The following DEPDC5 variants were observed in gnomAD, a reference collection of about 807,000 sequenced individuals.
DEPDC5 encodes the protein GATOR1 complex protein DEPDC5.
Under a neutral mutation model 217.3 loss-of-function variants are expected in DEPDC5, and 73 were observed. That is an observed-to-expected ratio of 0.34 (90% CI 0.28 to 0.41). The LOEUF (loss-of-function observed/expected upper bound fraction) is 0.41. Ranked by LOEUF, DEPDC5 falls within the 10% of genes least tolerant of loss-of-function variation. The pLI is 1.00. For missense variants in DEPDC5, 1,675 were observed against 2,070.1 expected (o/e 0.81, Z 3.70); for synonymous variants, 733 against 756.7 (o/e 0.97, Z 0.51).
intron 14 of DEPDC5, among the ~76,000 whole-genome samples, chr22:31,799,595 G>GCCTCAGCCTCCTGAGTAGC (rs530235410): frequency 0.013 from 1,997 of 149,954 alleles, 17 homozygotes; most frequent in Middle Eastern, 0.028. Context: ...TGATTCTCCT[G>GCCTCAGCCTCCTGAGTAGC]CCTCAGCCTC....
At chr22:31,885,938 G>A (rs775206421) in intron 38 of DEPDC5, among the ~76,000 whole-genome samples, 1 of 151,464 alleles carries the variant, frequency 6.6e-6, no homozygotes, top group Admixed American at 6.6e-5. Flanking sequence ...GGAGGCTGAG[G>A]CAGGAGAATC....
chr22:31,788,929 C>T (rs766617313), intron 10 of DEPDC5, among the ~76,000 whole-genome samples: 6 of 152,064 alleles, frequency 3.9e-5, no homozygotes, highest in South Asian at 2.1e-4. Flanking sequence ...CTCGCTCTGT[C>T]GCCCAGACTG....
chr22:31,836,051 G>A (rs1161345434), intron 25 of DEPDC5, among the ~76,000 whole-genome samples: 1 of 152,228 alleles, frequency 6.6e-6, no homozygotes, highest in South Asian at 2.1e-4. Context: ...TTAAAAGATA[G>A]TCTTCACTTA....
At chr22:31,904,696 A>G (rs185426144) in intron 41 of DEPDC5, among the ~76,000 whole-genome samples, 1 of 152,326 alleles carries the variant, frequency 6.6e-6, no homozygotes, top group African/African-American at 2.4e-5. Flanking sequence ...GTGAGCCAAG[A>G]TTGTACCACT....
chr22:31,804,115 C>A, intron 15 of DEPDC5, 47 bp from the exon 16 acceptor site: 1 of 1,582,990 alleles, frequency 6.3e-7, no homozygotes, highest in Non-Finnish European at 8.7e-7. Flanking sequence ...GGACACTTGT[C>A]TCTGCCATTC....
chr22:31,822,130 T>C (rs1424187540), intron 23 of DEPDC5, among the ~76,000 whole-genome samples: 1 of 152,250 alleles, frequency 6.6e-6, no homozygotes, highest in Non-Finnish European at 1.5e-5. Context: ...GAACCAATGC[T>C]CTGAATGTGT....
rs907000096 is a variant in DEPDC5, at chr22:31,818,820, C to A, written c.1667-202C>A. 2.6e-5 allele frequency among the ~76,000 whole-genome samples: 4 copies of A among 152,220 alleles called. No individual in the cohort carries two copies. The East Asian group carries it at 5.8e-4, about 22-fold the overall frequency. ...TGCCAGTAATTTAGAACCAAAACTC[C>A]CTTCTCCCAAGTATTTAAAAGCAAA... On this transcript the variant is annotated intron_variant, in intron 21 of 42. Transcript: ENST00000651528.
chr22:31,844,353 C>T (rs533954785), intron 29 of DEPDC5, among the ~76,000 whole-genome samples: 13 of 152,266 alleles, frequency 8.5e-5, no homozygotes, highest in African/African-American at 3.1e-4. Flanking sequence ...TTGATAGTGC[C>T]ACTGCACCCT....
chr22:31,808,996 G>A (rs2087912601), intron 18 of DEPDC5, among the ~76,000 whole-genome samples: 2 of 151,746 alleles, frequency 1.3e-5, no homozygotes, highest in Admixed American at 1.3e-4. Context: ...TCAAACTCCT[G>A]GGCCCAAGCA....
At chr22:31,793,854 G>A (rs1171569326) in intron 12 of DEPDC5, among the ~76,000 whole-genome samples, 1 of 152,170 alleles carries the variant, frequency 6.6e-6, no homozygotes, top group Non-Finnish European at 1.5e-5. Context: ...ACAGGCGGGA[G>A]CCACCATGCC....
At chr22:31,846,755 G>A in intron 30 of DEPDC5, 79 bp from the exon 31 acceptor site, 1 of 1,595,320 alleles carries the variant, frequency 6.3e-7, no homozygotes, top group Non-Finnish European at 8.6e-7. Context: ...TGGGAATGCT[G>A]CAGCATGCCC....
intron 33 of DEPDC5, among the ~76,000 whole-genome samples, chr22:31,863,137 GTGTC>G (rs1953519961): frequency 1.3e-5 from 2 of 152,020 alleles, no homozygotes; most frequent in African/African-American, 2.4e-5. Flanking sequence ...ATGAGCCACT[GTGTC>G]TGGCCATTAA....
chr22:31,823,627 G>A (rs957795696), intron 24 of DEPDC5, among the ~76,000 whole-genome samples: 3 of 152,022 alleles, frequency 2.0e-5, no homozygotes, highest in African/African-American at 7.2e-5. Flanking sequence ...TGAAGTTTCA[G>A]TGCGGGTGGG....
chr22:31,854,558 G>A (rs955947255), intron 31 of DEPDC5, among the ~76,000 whole-genome samples: 1 of 152,210 alleles, frequency 6.6e-6, no homozygotes, highest in Admixed American at 6.5e-5. Context: ...CAGAAGGAAT[G>A]ATGGACTGTC....
chr22:31,805,166 C>T (rs895290927), intron 17 of DEPDC5: 2 of 283,576 alleles, frequency 7.1e-6, no homozygotes, highest in African/African-American at 4.5e-5. Flanking sequence ...CCATGTCCTT[C>T]TATTCCCAAC....
chr22:31,801,613 T>C (rs1213572739), intron 14 of DEPDC5, among the ~76,000 whole-genome samples: 2 of 152,214 alleles, frequency 1.3e-5, no homozygotes, highest in Non-Finnish European at 2.9e-5. Context: ...CCTTAGTGGC[T>C]CTGGGAACCA....
At chr22:31,825,026 G>C (rs1214857876) in intron 24 of DEPDC5, among the ~76,000 whole-genome samples, 1 of 151,662 alleles carries the variant, frequency 6.6e-6, no homozygotes, top group Non-Finnish European at 1.5e-5. Context: ...AGGGGCTATT[G>C]CTTTGCTATG....
At chr22:31,846,291 TTG>T (rs906633528) in intron 30 of DEPDC5, among the ~76,000 whole-genome samples, 2 of 152,212 alleles carry the variant, frequency 1.3e-5, no homozygotes, top group African/African-American at 4.8e-5. Flanking sequence ...TTCATCCAAG[TTG>T]TGTGTGTAAG....
chr22:31,792,828 G>A lies in DEPDC5; in HGVS notation c.767+11G>A. 1 of 1,513,212 alleles carries A rather than the reference G, an allele frequency of 6.6e-7. No homozygotes were observed. The highest frequency in any genetic ancestry group is 2.6e-5 in the East Asian group (1 of 38,256). The allele number at this position is 1,513,212 out of a possible 1,614,324, so 93.7% of individuals were successfully genotyped here. On this transcript the variant is annotated intron_variant, in intron 12 of 42. Coordinates refer to ENST00000651528, the MANE Select transcript of DEPDC5 (RefSeq NM_001242896.3). ...TGAAGACTTTTACAAGTATGTTTGG[G>A]TGCTTTGCTATACTTTTTATTTATT...
Sources: allele counts gnomAD v4.1 joint callset (sites outside exome capture counted in the v4.1 genomes callset), GRCh38; gene constraint gnomAD v4.1.1; transcripts MANE v1.5; gene names NCBI Gene and HGNC (gene_info 2026-07-23, HGNC 2026-07-21).